PTPRR: variants seen among roughly 807,000 people sequenced by gnomAD.
The protein encoded by PTPRR is protein tyrosine phosphatase receptor type R, also known as receptor-type tyrosine-protein phosphatase R.
Under a neutral mutation model 77.2 loss-of-function variants are expected in PTPRR, and 38 were observed. That is an observed-to-expected ratio of 0.49 (90% confidence interval 0.38 to 0.65). PTPRR has a LOEUF of 0.65. Among genes scored for constraint, PTPRR ranks in the 30% least tolerant of loss-of-function variants. The pLI is 0.00. For synonymous variants in PTPRR, 299 were observed against 283.1 expected (o/e 1.06, Z -0.57); for missense variants, 744 against 799.2 (o/e 0.93, Z 0.83).
intron 2 of PTPRR, among the ~76,000 whole-genome samples, chr12:70,843,756 T>C (rs1043635880): frequency 2.6e-5 from 4 of 152,008 alleles, no homozygotes; most frequent in African/African-American, 7.2e-5. Context: ...GTTATTTCTA[T>C]GAAAATTAAG....
In PTPRR at chr12:70,651,595, G is replaced by A. The variant is rs1052266653; in HGVS notation, c.1880+5109C>T. ...ACTGTTTTAAAAATTATGGTGTCCCGTTGTCATTGCATTTTGTTTTTAAGA... is the reference window on the plus strand; with the variant it reads ...ACTGTTTTAAAAATTATGGTGTCCCATTGTCATTGCATTTTGTTTTTAAGA... On this transcript the variant is annotated intron_variant, in intron 13 of 13. Coordinates refer to ENST00000283228, the MANE Select transcript of PTPRR (RefSeq NM_002849.4). 7.9e-5 allele frequency among the ~76,000 whole-genome samples: 12 copies of A among 152,280 alleles called. 1 individual carries two copies. Among genetic ancestry groups the A allele is most frequent in the Admixed American group, 3.3e-4 (5 of 15,296 alleles).
rs185015155 is a variant in PTPRR at position 70,655,072 on chromosome 12, C to T, written c.1880+1632G>A. ...CATCACTAACTCAATCGTCCATTTA[C>T]CCAGGCAGGCTTAGTTGTGGAGCAA... On this transcript the variant is annotated intron_variant, in intron 13 of 13. Coordinates refer to ENST00000283228, the MANE Select transcript of PTPRR (RefSeq NM_002849.4). Among the ~76,000 whole-genome samples, 3 of 152,340 alleles carry T rather than the reference C, an allele frequency of 2.0e-5. 1 individual carries two copies. The highest frequency in any genetic ancestry group is 2.0e-4 in the Admixed American group (3 of 15,308).
intron 2 of PTPRR, among the ~76,000 whole-genome samples, chr12:70,882,616 AT>A (rs35120048): frequency 7.3e-5 from 11 of 149,804 alleles, no homozygotes; most frequent in African/African-American, 1.5e-4. Context: ...AGTAAGACCC[AT>A]TTTTTTTTTA....
intron 2 of PTPRR, among the ~76,000 whole-genome samples, chr12:70,842,080 A>G (rs1217538438): frequency 3.9e-5 from 6 of 152,232 alleles, no homozygotes; most frequent in Admixed American, 3.9e-4. Context: ...AAAAAGCCCT[A>G]CAAAGCAATT....
intron 2 of PTPRR, among the ~76,000 whole-genome samples, chr12:70,816,894 A>G (rs551556042): frequency 3.3e-5 from 5 of 152,106 alleles, no homozygotes; most frequent in Non-Finnish European, 7.4e-5. Context: ...TAAGTGAATG[A>G]TTATGGACAG....
chr12:70,703,596 A>G (rs575593928), intron 6 of PTPRR, among the ~76,000 whole-genome samples: 33 of 152,304 alleles, frequency 2.2e-4, no homozygotes, highest in African/African-American at 7.9e-4. Context: ...CTGGACTTCA[A>G]ATTGATAGAA....
chr12:70,844,159 G>A (rs987946866), intron 2 of PTPRR, among the ~76,000 whole-genome samples: 1 of 152,060 alleles, frequency 6.6e-6, no homozygotes, highest in Non-Finnish European at 1.5e-5. Context: ...AATTGTAATA[G>A]ACTAGGAAAA....
At chr12:70,840,272 C>G (rs184505793) in intron 2 of PTPRR, among the ~76,000 whole-genome samples, 2 of 152,176 alleles carry the variant, frequency 1.3e-5, no homozygotes, top group East Asian at 3.9e-4. Flanking sequence ...TCTTCCATCT[C>G]CAAAGCCAGA....
In PTPRR at chr12:70,745,934, C is replaced by A. The variant is rs963791740; in HGVS notation, c.891G>T (p.Lys297Asn). ...GAGGGTCCACGACAACATTCAGTAC[C>A]TTTGGGGCCTGCTCAGGTTGGACCA... is the stretch of plus-strand genomic sequence containing the variant. ...HSMVQPEQAP[K>N]VLNVVVDPQG... Residue 297 changes from lysine to asparagine, a missense_variant, in exon 6 of 14, where the codon AAG (lysine) becomes AAT (asparagine). Lys to Asn is a moderately conservative substitution (Grantham distance 94). Around this residue, in one of 3 missense-constraint regions of PTPRR, gnomAD observed 570 missense variants for 573.2 expected, o/e 0.99. Coordinates refer to ENST00000283228, the MANE Select transcript of PTPRR (RefSeq NM_002849.4). 2 of 1,614,080 alleles carry A rather than the reference C, an allele frequency of 1.2e-6. No homozygotes were observed. Among genetic ancestry groups the A allele is most frequent in the Admixed American group, 3.3e-5 (2 of 60,006 alleles).
chr12:70,701,715 G>A (rs1888432449), intron 6 of PTPRR, among the ~76,000 whole-genome samples: 1 of 152,108 alleles, frequency 6.6e-6, no homozygotes, highest in African/African-American at 2.4e-5. Flanking sequence ...GTTCATGACT[G>A]CAATCCCAGC....
At chr12:70,673,031 CAA>C (rs1229938892) in intron 10 of PTPRR, 24,831 of 443,702 alleles carry the variant, frequency 0.056, no homozygotes, top group Middle Eastern at 0.066. Flanking sequence ...CGGGCCAAAG[CAA>C]AAAAAAAAAA....
intron 2 of PTPRR, among the ~76,000 whole-genome samples, chr12:70,784,367 G>C (rs779265760): frequency 1.3e-4 from 20 of 152,238 alleles, no homozygotes; most frequent in Non-Finnish European, 2.2e-4. Flanking sequence ...TGGCAGCCTG[G>C]GGTGGGGGCT....
At chr12:70,788,580 T>A (rs1433949717) in intron 2 of PTPRR, among the ~76,000 whole-genome samples, 1 of 152,198 alleles carries the variant, frequency 6.6e-6, no homozygotes, top group Non-Finnish European at 1.5e-5. Flanking sequence ...TACAAGAAAC[T>A]CCTTATGATT....
chr12:70,754,805 A>T, intron 4 of PTPRR: 1 of 1,422,624 alleles, frequency 7.0e-7, no homozygotes, highest in Non-Finnish European at 9.3e-7. Flanking sequence ...CTTTCTTTTA[A>T]TCACATCTTT....
chr12:70,649,091 G>C (rs1029113407), intron 13 of PTPRR, among the ~76,000 whole-genome samples: 1 of 152,106 alleles, frequency 6.6e-6, no homozygotes, highest in Non-Finnish European at 1.5e-5. Flanking sequence ...TAACACATTC[G>C]TCTCTGAACC....
At chr12:70,735,706 A>G (rs1160900472) in intron 6 of PTPRR, among the ~76,000 whole-genome samples, 1 of 152,072 alleles carries the variant, frequency 6.6e-6, no homozygotes, top group East Asian at 1.9e-4. Flanking sequence ...CTAGATTTTT[A>G]TTTCTTTGTG....
At chr12:70,834,151 G>A (rs987558734) in intron 2 of PTPRR, among the ~76,000 whole-genome samples, 1 of 152,076 alleles carries the variant, frequency 6.6e-6, no homozygotes, top group Non-Finnish European at 1.5e-5. Context: ...TTAGAATATG[G>A]CAACCATACA....
At chr12:70,701,115 G>A in intron 7 of PTPRR, 22 bp downstream of exon 7, 1 of 1,612,892 alleles carries the variant, frequency 6.2e-7, no homozygotes, top group East Asian at 2.2e-5. Context: ...ACTGAAGAGT[G>A]AACAATAAAT....
At chr12:70,854,826 G>T (rs1892626253) in intron 2 of PTPRR, among the ~76,000 whole-genome samples, 1 of 152,200 alleles carries the variant, frequency 6.6e-6, no homozygotes, top group Non-Finnish European at 1.5e-5. Context: ...TTAAGCGTTT[G>T]TTGTGAGGGT....
Sources: gnomAD v4.1 joint callset for allele counts (sites outside exome capture counted in the v4.1 genomes callset) on GRCh38, gnomAD v4.1.1 for gene constraint, gnomAD v4.1.1 regional missense constraint, MANE v1.5 for transcripts, NCBI Gene and HGNC (gene_info 2026-07-23, HGNC 2026-07-21) for gene names.